RANBP17: variants seen among roughly 807,000 people sequenced by gnomAD.
RANBP17 encodes the protein RAN binding protein 17, also known as ran-binding protein 17.
RANBP17 carries 158 observed loss-of-function variants against 141.2 expected under a neutral mutation model. That is an observed-to-expected ratio of 1.12 (90% CI 0.98 to 1.28). The LOEUF is 1.28. RANBP17 is among the 50% of genes most tolerant of loss of function. RANBP17 has a pLI of 0.00. For missense variants in RANBP17, 1,438 were observed against 1,290.7 expected (o/e 1.11, Z -1.75); for synonymous variants, 430 against 450.0 (o/e 0.96, Z 0.56).
At chr5:171,094,215 T>G (rs1326607883) in intron 14 of RANBP17, among the ~76,000 whole-genome samples, 1 of 152,098 alleles carries the variant, frequency 6.6e-6, no homozygotes, top group Non-Finnish European at 1.5e-5. Flanking sequence ...GTCATCAGAT[T>G]GGGGTAGGGT....
At chr5:171,108,948 T>C (rs756709785) in intron 14 of RANBP17, among the ~76,000 whole-genome samples, 3 of 152,170 alleles carry the variant, frequency 2.0e-5, no homozygotes, top group Non-Finnish European at 4.4e-5. Flanking sequence ...GACAGAATTT[T>C]CTCTGCCACT....
chr5:171,053,470 C>G (rs1783103132), intron 14 of RANBP17, among the ~76,000 whole-genome samples: 1 of 151,972 alleles, frequency 6.6e-6, no homozygotes, highest in Non-Finnish European at 1.5e-5. Context: ...GATATTGTAT[C>G]CTTTTGAATG....
At chr5:171,195,014 C>T (rs1364010176) in intron 18 of RANBP17, among the ~76,000 whole-genome samples, 1 of 152,118 alleles carries the variant, frequency 6.6e-6, no homozygotes, top group Non-Finnish European at 1.5e-5. Flanking sequence ...CTCAGAGACA[C>T]AGCGGAGGTG....
intron 14 of RANBP17, among the ~76,000 whole-genome samples, chr5:171,146,363 A>C (rs1424221718): frequency 6.6e-6 from 1 of 152,262 alleles, no homozygotes; most frequent in Non-Finnish European, 1.5e-5. Flanking sequence ...GTATTCTGCT[A>C]GGTGTTTCAC....
intron 25 of RANBP17, among the ~76,000 whole-genome samples, chr5:171,290,957 T>C (rs1194708637): frequency 1.3e-5 from 2 of 152,232 alleles, no homozygotes; most frequent in African/African-American, 4.8e-5. Flanking sequence ...GTAGCTGTTA[T>C]TGTCCTCCAT....
intron 12 of RANBP17, among the ~76,000 whole-genome samples, chr5:170,943,195 T>A (rs919819301): frequency 3.3e-5 from 5 of 152,124 alleles, no homozygotes; most frequent in Admixed American, 3.3e-4. Context: ...GTAGTATTAG[T>A]TTTTTTGCGT....
intron 18 of RANBP17, among the ~76,000 whole-genome samples, chr5:171,197,222 T>C (rs2127949981): frequency 6.6e-6 from 1 of 152,318 alleles, no homozygotes; most frequent in East Asian, 1.9e-4. Context: ...AATTGAGAAA[T>C]TACTTTTTAT....
intron 24 of RANBP17, among the ~76,000 whole-genome samples, chr5:171,259,694 A>G (rs1235577529): frequency 6.6e-6 from 1 of 152,200 alleles, no homozygotes; most frequent in Non-Finnish European, 1.5e-5. Context: ...AAGATAGATA[A>G]CAAGGGTCAG....
intron 24 of RANBP17, among the ~76,000 whole-genome samples, chr5:171,263,151 A>G (rs977718567): frequency 1.3e-5 from 2 of 152,190 alleles, no homozygotes; most frequent in African/African-American, 2.4e-5. Flanking sequence ...TCAGGCATAC[A>G]TATGTCTCAG....
At chr5:171,275,322 A>G (rs1288286978) in intron 25 of RANBP17, among the ~76,000 whole-genome samples, 1 of 152,218 alleles carries the variant, frequency 6.6e-6, no homozygotes, top group East Asian at 1.9e-4. Context: ...ACTGCATTTA[A>G]TCATTATGGG....
chr5:171,169,495 C>T (rs1405978421), intron 14 of RANBP17, among the ~76,000 whole-genome samples: 1 of 152,096 alleles, frequency 6.6e-6, no homozygotes, highest in African/African-American at 2.4e-5. Flanking sequence ...ACTCTGCAAC[C>T]AACACTCCCT....
intron 14 of RANBP17, among the ~76,000 whole-genome samples, chr5:171,064,640 A>G (rs926806221): frequency 1.3e-5 from 2 of 152,058 alleles, no homozygotes; most frequent in Admixed American, 6.5e-5. Context: ...GGGACTACAG[A>G]CACATGCCAC....
intron 14 of RANBP17, among the ~76,000 whole-genome samples, chr5:171,020,389 T>C (rs1454977361): frequency 6.6e-6 from 1 of 152,180 alleles, no homozygotes; most frequent in Non-Finnish European, 1.5e-5. Flanking sequence ...CCATTATTAT[T>C]GTGTGGGAGT....
intron 14 of RANBP17, among the ~76,000 whole-genome samples, chr5:171,031,837 C>T (rs564189844): frequency 6.6e-6 from 1 of 152,020 alleles, no homozygotes; most frequent in Non-Finnish European, 1.5e-5. Context: ...ACTATTATCT[C>T]TACCATACCT....
chr5:171,247,692 A>C lies in RANBP17; in HGVS notation c.2776+4872A>C, dbSNP rs367571068. Among the ~76,000 whole-genome samples the C allele has an allele frequency of 1.3e-3, 195 of 152,296 alleles. 9 individuals are homozygous for C. The South Asian group carries it at 0.039, about 30-fold the overall frequency. On this transcript the variant is annotated intron_variant, in intron 24 of 27. Transcript: ENST00000523189. ...CAGACACCAAGCACAGTGTCTTCAAAAAGCTGCTCTTACTAATGGCTCTGA... is the reference window on the plus strand; with the variant it reads ...CAGACACCAAGCACAGTGTCTTCAACAAGCTGCTCTTACTAATGGCTCTGA...
intron 14 of RANBP17, among the ~76,000 whole-genome samples, chr5:171,017,970 A>G (rs972284917): frequency 2.0e-5 from 3 of 152,114 alleles, no homozygotes; most frequent in East Asian, 3.9e-4. Context: ...TTTTCTGCAT[A>G]TGGCTAGCCA....
intron 14 of RANBP17, among the ~76,000 whole-genome samples, chr5:171,151,577 A>T (rs1758480929): frequency 6.6e-6 from 1 of 152,234 alleles, no homozygotes; most frequent in African/African-American, 2.4e-5. Flanking sequence ...TTATGAAAAG[A>T]TATAAATATC....
At chr5:170,897,566 C>A (rs1406516466) in intron 5 of RANBP17, among the ~76,000 whole-genome samples, 2 of 151,840 alleles carry the variant, frequency 1.3e-5, no homozygotes, top group East Asian at 1.9e-4. Flanking sequence ...CCCTAGCCCC[C>A]CAACCCCCAA....
intron 25 of RANBP17, chr5:171,271,336 G>T: frequency 4.7e-6 from 1 of 212,022 alleles, no homozygotes; most frequent in East Asian, 7.0e-5. Context: ...TCTGTGTTTA[G>T]ACTGAAATGA....
Sources: allele counts gnomAD v4.1 joint callset (sites outside exome capture counted in the v4.1 genomes callset), GRCh38; gene constraint gnomAD v4.1.1; transcripts MANE v1.5; gene names NCBI Gene and HGNC (gene_info 2026-07-23, HGNC 2026-07-21).